The following CABIN1 variants were observed in gnomAD, a reference collection of about 807,000 sequenced individuals.
CABIN1 encodes calcineurin binding protein 1, also known as calcineurin-binding protein cabin-1.
A neutral mutation model predicts 227.7 loss-of-function variants in CABIN1; 133 were observed. The ratio of observed to expected loss-of-function variants is 0.58; its 90% confidence interval spans 0.51 to 0.67. CABIN1 has a LOEUF of 0.67. CABIN1 is among the 30% of genes least tolerant of loss of function. The pLI is 0.00. For missense variants in CABIN1, 2,408 were observed against 2,852.5 expected (o/e 0.84, Z 3.55); for synonymous variants, 1,086 against 1,155.1 (o/e 0.94, Z 1.21).
intron 6 of CABIN1, among the ~76,000 whole-genome samples, chr22:24,045,918 A>G (rs537715137): frequency 2.5e-4 from 38 of 152,342 alleles, no homozygotes; most frequent in African/African-American, 8.7e-4. Flanking sequence ...CAAAACATAC[A>G]TACAATAAGG....
intron 29 of CABIN1, chr22:24,160,470 C>T (rs1051590776): frequency 6.6e-6 from 1 of 152,326 alleles, no homozygotes; most frequent in Non-Finnish European, 1.5e-5. Flanking sequence ...TCAGAACAGC[C>T]TTGGGCTGTG....
chr22:24,098,251 G>T, intron 26 of CABIN1, 59 bp downstream of exon 26: 1 of 1,608,326 alleles, frequency 6.2e-7, no homozygotes, highest in Non-Finnish European at 8.5e-7. Context: ...ACGGGGGGGT[G>T]CTCGGACGAC....
intron 19 of CABIN1, among the ~76,000 whole-genome samples, chr22:24,082,643 C>T (rs1034135062): frequency 6.6e-6 from 1 of 152,138 alleles, no homozygotes; most frequent in Non-Finnish European, 1.5e-5. Context: ...AATAGTTGGG[C>T]ATAACAATAG....
chr22:24,024,938 T>G (rs1369353471), intron 1 of CABIN1, among the ~76,000 whole-genome samples: 1 of 152,212 alleles, frequency 6.6e-6, no homozygotes, highest in Non-Finnish European at 1.5e-5. Flanking sequence ...CTATCCTGAT[T>G]TCCTTTAGTT....
Position 24,134,298 on chromosome 22 carries a change from C to T in CABIN1, c.4633-4C>T. ...CACTTTCAACCTACTTCTTGTTTCC[C>T]CAGAACCTCCAGTGGGCCCGCGACG... is the stretch of plus-strand genomic sequence containing the variant. On this transcript the variant is annotated splice_region_variant and splice_polypyrimidine_tract_variant and intron_variant, in intron 28 of 36. Transcript: ENST00000263119. 1 of 1,612,366 alleles carries T rather than the reference C, an allele frequency of 6.2e-7. No individual in the cohort carries two copies. The highest frequency in any genetic ancestry group is 8.5e-7 in the Non-Finnish European group (1 of 1,178,864).
rs368418684 is a variant in CABIN1 at position 24,166,677 on chromosome 22, C to T, written c.5046C>T (p.Pro1682=). 9.3e-6 allele frequency: 15 copies of T among 1,612,474 alleles called. No homozygotes were observed. In the African/African-American group the frequency reaches 1.1e-4, roughly 11 times the overall value. The change falls in exon 32 of 37, where the codon CCC becomes CCT. Residue 1682 remains proline (P), a synonymous_variant. Transcript: ENST00000263119. ...ERPGPKVCGL[P]GARMTTDVSH... is the part of the protein sequence containing the mutation. ...CAGGGCCCAAGGTCTGTGGCCTCCC[C>T]GGAGCCAGGATGACCACCGATGTCT...
chr22:24,158,387 C>T (rs916540295), intron 29 of CABIN1, among the ~76,000 whole-genome samples: 1 of 152,212 alleles, frequency 6.6e-6, no homozygotes, highest in African/African-American at 2.4e-5. Flanking sequence ...GTATGTTCAG[C>T]CCAGCATTCT....
chr22:24,145,781 G>A (rs1023836589), intron 29 of CABIN1, among the ~76,000 whole-genome samples: 2 of 152,048 alleles, frequency 1.3e-5, no homozygotes, highest in African/African-American at 2.4e-5. Flanking sequence ...GGCCGTGCTA[G>A]GATGGAAGGG....
At chr22:24,072,544 C>T in intron 18 of CABIN1, 34 bp downstream of exon 18, 1 of 1,613,636 alleles carries the variant, frequency 6.2e-7, no homozygotes, top group Non-Finnish European at 8.5e-7. Flanking sequence ...GGGATGAGCT[C>T]TGACTCCCAT....
rs2042925279 is a variant in CABIN1, at chr22:24,113,639, C to T, written c.4191C>T (p.Thr1397=). Residue 1397 remains threonine (T), a synonymous_variant, in exon 27 of 37, where the codon ACC becomes ACT. Transcript: ENST00000263119. ...SSTQDFFNEP[T]SLLEGSRKSY... is the part of the protein sequence containing the mutation. ...CGCAGGACTTCTTTAATGAGCCCACCAGCTTACTGGAAGGCTCCAGGAAAT... is the reference window on the plus strand; with the variant it reads ...CGCAGGACTTCTTTAATGAGCCCACTAGCTTACTGGAAGGCTCCAGGAAAT... The T allele has an allele frequency of 1.2e-6, 2 of 1,614,012 alleles. No homozygotes were observed. Among genetic ancestry groups the T allele is most frequent in the Admixed American group, 3.3e-5 (2 of 60,002 alleles).
intron 24 of CABIN1, 43 bp downstream of exon 24, chr22:24,091,886 A>T: frequency 6.2e-7 from 1 of 1,606,170 alleles, no homozygotes; most frequent in South Asian, 1.1e-5. Context: ...GGGCAGGGGC[A>T]GGCTGGTTTC....
At chr22:24,040,208 C>G (rs2037257196) in intron 4 of CABIN1, among the ~76,000 whole-genome samples, 1 of 152,144 alleles carries the variant, frequency 6.6e-6, no homozygotes, top group African/African-American at 2.4e-5. Context: ...TCTTGGGGGC[C>G]TTTTTGTATG....
In CABIN1 at chr22:24,164,384, G is replaced by T; in HGVS notation, c.4747-16G>T. ...ACAACCACCCCCCTCACACACCTGT[G>T]CCATCCATCCCACAGGGCATCTGGC... is the stretch of plus-strand genomic sequence containing the variant. On this transcript the variant is annotated splice_polypyrimidine_tract_variant and intron_variant, in intron 29 of 36. Coordinates refer to ENST00000263119, the MANE Select transcript of CABIN1 (RefSeq NM_012295.4). 6.2e-7 allele frequency: 1 copy of T among 1,601,210 alleles called. No homozygotes were observed.
In CABIN1 at chr22:24,091,790, C is replaced by T; in HGVS notation, c.3733C>T (p.Pro1245Ser). The change falls in exon 24 of 37, where the codon CCC becomes TCC. Residue 1245 changes from proline to serine, a missense_variant. Transcript: ENST00000263119. Reference protein sequence around the residue: ...HYLHEEAARYPKKIHYHNPPE... With the variant: ...HYLHEEAARYSKKIHYHNPPE... ...CCTGCACGAGGAGGCTGCCCGCTAC[C>T]CCAAGAAGATCCACTACCACAACCC... 6.2e-7 allele frequency: 1 copy of T among 1,613,904 alleles called. No homozygotes were observed. The highest frequency in any genetic ancestry group is 8.5e-7 in the Non-Finnish European group (1 of 1,179,956).
rs535991425 is a variant in CABIN1 at position 24,145,626 on chromosome 22, C to G, written c.4746+11211C>G. Among the ~76,000 whole-genome samples, 20 of 152,282 alleles carry G rather than the reference C, an allele frequency of 1.3e-4. No individual in the cohort carries two copies. The South Asian group carries it at 4.1e-3, about 32-fold the overall frequency. The stretch of plus-strand genomic sequence containing the variant: ...TGCTCAGATCTGTCGTCCCGTGTGT[C>G]TCTGCCTGGTGTGCCAGGCATGTGG... On this transcript the variant is annotated intron_variant, in intron 29 of 36. Transcript: ENST00000263119.
Position 24,095,999 on chromosome 22 carries a change from G to A in CABIN1, c.3855G>A (p.Glu1285=). 6.2e-7 allele frequency: 1 copy of A among 1,614,162 alleles called. No individual in the cohort carries two copies. Among genetic ancestry groups the A allele is most frequent in the Non-Finnish European group, 8.5e-7 (1 of 1,180,022 alleles). ...LGKPDSGVGA[E]VLVNFMKEAA... is the part of the protein sequence containing the mutation. Reference sequence around the variant, plus strand: ...AGCCCGATTCTGGGGTTGGTGCAGAGGTCCTGGTCAACTTTATGAAGGAGG... The same window carrying A: ...AGCCCGATTCTGGGGTTGGTGCAGAAGTCCTGGTCAACTTTATGAAGGAGG... Residue 1285 remains glutamate, a synonymous_variant, in exon 25 of 37, where the codon GAG becomes GAA. Transcript: ENST00000263119.
intron 27 of CABIN1, among the ~76,000 whole-genome samples, chr22:24,117,810 C>T (rs530812372): frequency 4.5e-4 from 68 of 152,374 alleles, no homozygotes; most frequent in African/African-American, 1.2e-3. Context: ...GCATCATCAT[C>T]TGATTCCTCT....
intron 29 of CABIN1, among the ~76,000 whole-genome samples, chr22:24,154,439 G>C (rs2045665701): frequency 2.6e-5 from 4 of 152,142 alleles, no homozygotes; most frequent in Admixed American, 2.6e-4. Context: ...TCTGTCAAAT[G>C]ACTATATGAA....
chr22:24,046,642 A>C (rs947544617), intron 6 of CABIN1, among the ~76,000 whole-genome samples: 1 of 152,194 alleles, frequency 6.6e-6, no homozygotes, highest in Non-Finnish European at 1.5e-5. Context: ...CTCCAGAGAA[A>C]CAGAACCAAT....
Sources: allele counts gnomAD v4.1 joint callset (sites outside exome capture counted in the v4.1 genomes callset), GRCh38; gene constraint gnomAD v4.1.1; transcripts MANE v1.5; gene names NCBI Gene and HGNC (gene_info 2026-07-23, HGNC 2026-07-21).